The following NR3C2 variants were observed in gnomAD, a reference collection of about 807,000 sequenced individuals.
NR3C2 encodes mineralocorticoid receptor.
In NR3C2, 15 loss-of-function variants were observed where a neutral mutation model predicts 86.4. The observed-to-expected ratio is 0.17, with a 90% CI of 0.12 to 0.27. NR3C2 has a LOEUF of 0.27. Ranked by LOEUF, NR3C2 falls within the 10% of genes least tolerant of loss-of-function variation. The pLI is 1.00. For synonymous variants in NR3C2, 458 were observed against 450.5 expected (o/e 1.02, Z -0.21); for missense variants, 960 against 1,195.6 (o/e 0.80, Z 2.91).
At chr4:148,085,154 T>C (rs1473547180) in intron 8 of NR3C2, among the ~76,000 whole-genome samples, 1 of 152,166 alleles carries the variant, frequency 6.6e-6, no homozygotes, top group African/African-American at 2.4e-5. Context: ...GCAGACCTAA[T>C]AGACATCTAC....
At position 148,347,696 on chromosome 4, in the gene NR3C2, G is replaced by A. The variant is rs59379699; in HGVS notation, c.1757+87408C>T. ...TTTACTGAGTACCTACGCATGCCCCGATGGGGCTACAGCAGTGAACAAACC... is the reference window on the plus strand; with the variant it reads ...TTTACTGAGTACCTACGCATGCCCCAATGGGGCTACAGCAGTGAACAAACC... On this transcript the variant is annotated intron_variant, in intron 2 of 8. Coordinates refer to ENST00000358102, the MANE Select transcript of NR3C2 (RefSeq NM_000901.5). Among the ~76,000 whole-genome samples the A allele has an allele frequency of 5.8e-3, 883 of 152,240 alleles. 10 individuals carry two copies. Among genetic ancestry groups the A allele is most frequent in the African/African-American group, 0.02 (829 of 41,544 alleles).
intron 6 of NR3C2, 77 bp from the exon 7 acceptor site, chr4:148,120,365 A>C: frequency 6.4e-7 from 1 of 1,572,746 alleles, no homozygotes; most frequent in Non-Finnish European, 8.7e-7. Context: ...GAGGCAGCTT[A>C]ATAAGAGATC....
chr4:148,081,443 C>T lies in NR3C2; in HGVS notation c.2856G>A (p.Leu952=), dbSNP rs1730554014. 6 of 1,614,146 alleles carry T rather than the reference C, an allele frequency of 3.7e-6. No homozygotes were observed. Among genetic ancestry groups the T allele is most frequent in the Non-Finnish European group, 5.1e-6 (6 of 1,180,032 alleles). The part of the protein sequence containing the change: ...CFYTFRESHA[L]KVEFPAMLVE... ...CCAGCATTGCGGGGAACTCTACCTT[C>T]AGCGCATGGGACTCTCGGAAGGTGT... Residue 952 remains leucine (L), a synonymous_variant, in exon 9 of 9, where the codon CTG becomes CTA. Coordinates refer to ENST00000358102, the MANE Select transcript of NR3C2 (RefSeq NM_000901.5).
intron 2 of NR3C2, among the ~76,000 whole-genome samples, chr4:148,391,749 CCCAGCTACT>C (rs1747582740): frequency 6.6e-6 from 1 of 151,840 alleles, no homozygotes; most frequent in African/African-American, 2.4e-5. Context: ...CGCCTGTAAT[CCCAGCTACT>C]CAGGAGGCTG....
chr4:148,409,144 A>C (rs1414322577), intron 2 of NR3C2, among the ~76,000 whole-genome samples: 1 of 152,202 alleles, frequency 6.6e-6, no homozygotes, highest in Non-Finnish European at 1.5e-5. Flanking sequence ...GCATATTGCC[A>C]AACGGCTTTC....
At chr4:148,424,974 C>T (rs1157537363) in intron 2 of NR3C2, among the ~76,000 whole-genome samples, 1 of 152,020 alleles carries the variant, frequency 6.6e-6, no homozygotes, top group Non-Finnish European at 1.5e-5. Context: ...TGGAATATAT[C>T]ATTACCAACT....
At chr4:148,084,326 C>T (rs190447408) in intron 8 of NR3C2, among the ~76,000 whole-genome samples, 273 of 152,312 alleles carry the variant, frequency 1.8e-3, no homozygotes, top group African/African-American at 6.1e-3. Flanking sequence ...GATCTCTCTG[C>T]AGAAACCCTA....
chr4:148,388,587 T>C (rs1273216618), intron 2 of NR3C2, among the ~76,000 whole-genome samples: 1 of 152,224 alleles, frequency 6.6e-6, no homozygotes, highest in Admixed American at 6.5e-5. Context: ...CATTTAACAA[T>C]TCTAACATAT....
chr4:148,317,165 A>C (rs1743232563), intron 2 of NR3C2, among the ~76,000 whole-genome samples: 1 of 152,162 alleles, frequency 6.6e-6, no homozygotes. Context: ...AGACACTAGA[A>C]GTTCAACCCA....
intron 2 of NR3C2, among the ~76,000 whole-genome samples, chr4:148,394,915 A>G (rs1747783308): frequency 6.6e-6 from 1 of 152,202 alleles, no homozygotes; most frequent in South Asian, 2.1e-4. Context: ...TACCTATGAT[A>G]AAGGCATAGG....
chr4:148,315,446 T>C (rs1357594016), intron 2 of NR3C2, among the ~76,000 whole-genome samples: 1 of 152,198 alleles, frequency 6.6e-6, no homozygotes, highest in Admixed American at 6.6e-5. Context: ...ACTCTCTGTC[T>C]AACCAAAACC....
intron 2 of NR3C2, among the ~76,000 whole-genome samples, chr4:148,378,747 C>T (rs537416189): frequency 4.6e-5 from 7 of 152,282 alleles, no homozygotes; most frequent in Admixed American, 3.9e-4. Context: ...CCTGCAGAAT[C>T]GTGAGCCAAT....
At chr4:148,212,893 AAATATTTGCTTGCAAGAAGTTC>A (rs1737349844) in intron 3 of NR3C2, among the ~76,000 whole-genome samples, 1 of 152,216 alleles carries the variant, frequency 6.6e-6, no homozygotes, top group South Asian at 2.1e-4. Flanking sequence ...TTCGTAATAA[AAATATTTGCTTGCAAGAAGTTC>A]ACAGAACTAC....
intron 8 of NR3C2, among the ~76,000 whole-genome samples, chr4:148,090,564 C>T (rs1731015099): frequency 6.6e-6 from 1 of 152,216 alleles, no homozygotes; most frequent in African/African-American, 2.4e-5. Flanking sequence ...ATCTGTGAAC[C>T]TGCTAACAGG....
chr4:148,427,846 T>C (rs905357797), intron 2 of NR3C2, among the ~76,000 whole-genome samples: 4 of 152,142 alleles, frequency 2.6e-5, no homozygotes, highest in African/African-American at 9.7e-5. Context: ...CTCAATGGGC[T>C]TCCATTGGCT....
chr4:148,285,002 T>C, intron 2 of NR3C2, among the ~76,000 whole-genome samples: 1 of 152,162 alleles, frequency 6.6e-6, no homozygotes, highest in East Asian at 1.9e-4. Flanking sequence ...TGAATCTAGG[T>C]TTGCTGGACT....
At chr4:148,360,574 C>T (rs1052823443) in intron 2 of NR3C2, among the ~76,000 whole-genome samples, 5 of 152,066 alleles carry the variant, frequency 3.3e-5, no homozygotes, top group African/African-American at 7.2e-5. Flanking sequence ...CCTTAAGAAC[C>T]TTTAAAAAAA....
intron 2 of NR3C2, among the ~76,000 whole-genome samples, chr4:148,288,190 T>C (rs1334767655): frequency 6.6e-6 from 1 of 152,208 alleles, no homozygotes; most frequent in East Asian, 1.9e-4. Context: ...TTAGGTAAAT[T>C]CAAACTACTC....
At chr4:148,369,740 G>A (rs1746322546) in intron 2 of NR3C2, among the ~76,000 whole-genome samples, 1 of 152,128 alleles carries the variant, frequency 6.6e-6, no homozygotes, top group Non-Finnish European at 1.5e-5. Context: ...TGCCCCTCTG[G>A]CAGGATCTTA....
Sources: allele counts gnomAD v4.1 joint callset (sites outside exome capture counted in the v4.1 genomes callset), GRCh38; gene constraint gnomAD v4.1.1; transcripts MANE v1.5; gene names NCBI Gene and HGNC (gene_info 2026-07-23, HGNC 2026-07-21).